The following PDLIM5 variants were observed in gnomAD, a reference collection of about 807,000 sequenced individuals.
PDLIM5 encodes the protein PDZ and LIM domain protein 5.
In PDLIM5, 34 loss-of-function variants were observed where a neutral mutation model predicts 64.2. That is an observed-to-expected ratio of 0.53 (90% confidence interval 0.40 to 0.71). The LOEUF (loss-of-function observed/expected upper bound fraction) is 0.71. Among genes scored for constraint, PDLIM5 ranks in the 30% least tolerant of loss-of-function variants. The pLI is 0.00. For synonymous variants in PDLIM5, 253 were observed against 269.1 expected, an observed-to-expected ratio of 0.94 and a Z score of 0.59; for missense variants, 683 against 733.6, an observed-to-expected ratio of 0.93 and a Z score of 0.80.
intron 8 of PDLIM5, among the ~76,000 whole-genome samples, chr4:94,639,962 G>A (rs1166815230): frequency 1.3e-5 from 2 of 151,976 alleles, no homozygotes; most frequent in African/African-American, 2.4e-5. Flanking sequence ...AGGAGGCGGA[G>A]GATGCAGTGA....
chr4:94,650,174 CTG>C (rs1459287856), intron 9 of PDLIM5, among the ~76,000 whole-genome samples: 1 of 152,100 alleles, frequency 6.6e-6, no homozygotes, highest in Non-Finnish European at 1.5e-5. Flanking sequence ...ACGATAGTCA[CTG>C]TGTTTCTCTT....
intron 8 of PDLIM5, among the ~76,000 whole-genome samples, chr4:94,628,768 G>T (rs1739903110): frequency 6.6e-6 from 1 of 152,086 alleles, no homozygotes; most frequent in Non-Finnish European, 1.5e-5. Context: ...TTTAATGTAT[G>T]TCCTTATGGT....
intron 5 of PDLIM5, among the ~76,000 whole-genome samples, chr4:94,578,794 A>G (rs568041719): frequency 1.3e-5 from 2 of 152,192 alleles, no homozygotes; most frequent in Admixed American, 1.3e-4. Context: ...TAAAGTTGAG[A>G]GTTGTTACCT....
At chr4:94,535,239 A>G (rs987083377) in intron 3 of PDLIM5, among the ~76,000 whole-genome samples, 1 of 152,262 alleles carries the variant, frequency 6.6e-6, no homozygotes, top group East Asian at 1.9e-4. Context: ...CGTGTTCTGG[A>G]TAGATGTAGA....
At chr4:94,458,137 T>C (rs753994256) in intron 2 of PDLIM5, among the ~76,000 whole-genome samples, 12 of 152,212 alleles carry the variant, frequency 7.9e-5, no homozygotes, top group Non-Finnish European at 1.5e-4. Flanking sequence ...TAATTTATAT[T>C]GTGGTAAGAT....
chr4:94,462,501 AT>A (rs201660657), intron 2 of PDLIM5, among the ~76,000 whole-genome samples: 3,344 of 151,918 alleles, frequency 0.022, 92 homozygotes, highest in African/African-American at 0.07. Flanking sequence ...AGACAATTAG[AT>A]TTTTTTCTAG....
At chr4:94,587,226 G>T in intron 7 of PDLIM5, 1 of 1,382,896 alleles carries the variant, frequency 7.2e-7, no homozygotes, top group Non-Finnish European at 9.3e-7. Flanking sequence ...TCCTATTGTT[G>T]TGAGAAAAGG....
rs1553940971 is a variant in PDLIM5 at position 94,494,432 on chromosome 4, G to GGTTTTTTTTTTTTTTTTTTTTTTTT, written c.97-29292_97-29291insGTTTTTTTTTTTTTTTTTTTTTTTT. 4.2e-4 allele frequency among the ~76,000 whole-genome samples: 30 copies of GGTTTTTTTTTTTTTTTTTTTTTTTT among 70,768 alleles called. 7 individuals carry two copies. The highest frequency in any genetic ancestry group is 9.8e-4 in the East Asian group (2 of 2,038). 46.4% of individuals were successfully genotyped at this position (70,768 alleles called of 152,430 possible). On this transcript the variant is annotated intron_variant, in intron 2 of 12. Coordinates refer to ENST00000317968, the MANE Select transcript of PDLIM5 (RefSeq NM_006457.5). ...AGCATTCACTAATTTTTTTTTTCTT[G>GGTTTTTTTTTTTTTTTTTTTTTTTT]TTTTTTTTTTTTTTTTTTTTTTTTG...
chr4:94,611,059 T>C (rs1342292030), intron 7 of PDLIM5: 3 of 1,531,452 alleles, frequency 2.0e-6, no homozygotes, highest in South Asian at 2.4e-5. Context: ...TCTTTCTAAA[T>C]GCTTACCAGG....
chr4:94,618,638 G>T (rs1183172824), intron 8 of PDLIM5, among the ~76,000 whole-genome samples: 2 of 152,136 alleles, frequency 1.3e-5, no homozygotes, highest in East Asian at 3.8e-4. Flanking sequence ...TGTAGCATAG[G>T]GGAAGAAGGA....
At chr4:94,493,784 C>T (rs1488047489) in intron 2 of PDLIM5, among the ~76,000 whole-genome samples, 1 of 152,098 alleles carries the variant, frequency 6.6e-6, no homozygotes, top group Non-Finnish European at 1.5e-5. Context: ...ACAGTGGGAG[C>T]ATTTAAGAGT....
chr4:94,568,657 G>A (rs2110264120), intron 3 of PDLIM5, among the ~76,000 whole-genome samples: 1 of 152,038 alleles, frequency 6.6e-6, no homozygotes, highest in African/African-American at 2.4e-5. Context: ...TCATAAAACT[G>A]TTACTATGGA....
At chr4:94,614,751 A>G (rs1319836908) in intron 7 of PDLIM5, among the ~76,000 whole-genome samples, 1 of 152,224 alleles carries the variant, frequency 6.6e-6, no homozygotes, top group Non-Finnish European at 1.5e-5. Context: ...GAGAGAACGT[A>G]TACAAACCTG....
chr4:94,647,459 A>G (rs920775225), intron 9 of PDLIM5, among the ~76,000 whole-genome samples: 1 of 152,174 alleles, frequency 6.6e-6, no homozygotes, highest in African/African-American at 2.4e-5. Flanking sequence ...TGTGAGTTAT[A>G]AACACATATT....
chr4:94,496,245 A>G (rs1411567087), intron 2 of PDLIM5, among the ~76,000 whole-genome samples: 3 of 152,188 alleles, frequency 2.0e-5, no homozygotes, highest in Non-Finnish European at 4.4e-5. Flanking sequence ...TTTGTAGGTA[A>G]AAAAATAATT....
intron 2 of PDLIM5, among the ~76,000 whole-genome samples, chr4:94,501,498 A>G (rs1727917433): frequency 6.6e-6 from 1 of 152,316 alleles, no homozygotes. Context: ...AGAAATTGAG[A>G]GTAAGAATTT....
intron 3 of PDLIM5, among the ~76,000 whole-genome samples, chr4:94,541,537 GTT>G (rs1553953135): frequency 3.9e-5 from 6 of 152,250 alleles, no homozygotes; most frequent in Non-Finnish European, 7.3e-5. Flanking sequence ...GGCAAGGACA[GTT>G]TTGTGGGGGC....
Position 94,640,468 on chromosome 4 carries a change from A to C in PDLIM5, c.1283+18A>C. The C allele has an allele frequency of 6.9e-7, 1 of 1,452,764 alleles. No homozygotes were observed. The allele number at this position is 1,452,764 out of a possible 1,614,324, so 90.0% of individuals were successfully genotyped here. A position where few individuals can be genotyped will look rare whatever the true frequency, so the allele number is the denominator to read the frequency against. ...GTCATCAGGTTGGTTGTTTTTTGAAATTTTCTTGAAAGTACTTAATATCAA... is the reference window on the plus strand; with the variant it reads ...GTCATCAGGTTGGTTGTTTTTTGAACTTTTCTTGAAAGTACTTAATATCAA... On this transcript the variant is annotated intron_variant, in intron 9 of 12. Transcript: ENST00000317968.
At chr4:94,573,143 G>C (rs543972392) in intron 3 of PDLIM5, among the ~76,000 whole-genome samples, 1 of 152,284 alleles carries the variant, frequency 6.6e-6, no homozygotes, top group Admixed American at 6.5e-5. Flanking sequence ...TGAATACCTA[G>C]TGTGTAAAAT....
Sources: allele counts gnomAD v4.1 joint callset (sites outside exome capture counted in the v4.1 genomes callset), GRCh38; gene constraint gnomAD v4.1.1; transcripts MANE v1.5; gene names NCBI Gene and HGNC (gene_info 2026-07-23, HGNC 2026-07-21).